RNF32: variants seen among roughly 807,000 people sequenced by gnomAD.
The protein encoded by RNF32 is ring finger protein 32.
RNF32 carries 36 observed loss-of-function variants against 41.0 expected under a neutral mutation model. That is an observed-to-expected ratio of 0.88 (90% confidence interval 0.67 to 1.16). The LOEUF (loss-of-function observed/expected upper bound fraction) is 1.16. Ranked by LOEUF, RNF32 falls within the 50% of genes most tolerant of loss-of-function variation. The pLI, the probability that RNF32 is intolerant of heterozygous loss-of-function variation, is 0.00. For missense variants in RNF32, 413 were observed against 436.7 expected (o/e 0.95, Z 0.48); for synonymous variants, 154 against 160.9 (o/e 0.96, Z 0.32).
At chr7:156,667,491 T>C (rs59415139) in intron 7 of RNF32, among the ~76,000 whole-genome samples, 2,763 of 152,336 alleles carry the variant, frequency 0.018, 85 homozygotes, top group African/African-American at 0.064. Flanking sequence ...CTTTGTAAAA[T>C]TGAAAATGTT....
At chr7:156,651,269 G>A (rs528086782) in intron 3 of RNF32, among the ~76,000 whole-genome samples, 10 of 149,688 alleles carry the variant, frequency 6.7e-5, no homozygotes, top group South Asian at 4.2e-4. Context: ...GCTGGAGTGC[G>A]GTGGCACAAT....
At chr7:156,656,836 G>T (rs1401084131) in intron 4 of RNF32, among the ~76,000 whole-genome samples, 1 of 152,266 alleles carries the variant, frequency 6.6e-6, no homozygotes, top group African/African-American at 2.4e-5. Flanking sequence ...CCTCCCAAGG[G>T]AAGCAGGAGC....
chr7:156,674,401 A>C (rs1216905553), intron 7 of RNF32, among the ~76,000 whole-genome samples: 1 of 152,258 alleles, frequency 6.6e-6, no homozygotes. Flanking sequence ...AGGACAAGCA[A>C]GAGGGCAGGA....
At chr7:156,657,316 A>G (rs1799845416) in intron 4 of RNF32, 2 of 558,946 alleles carry the variant, frequency 3.6e-6, no homozygotes, top group South Asian at 4.5e-5. Flanking sequence ...TAAATATCAA[A>G]CTTCATGTGT....
upstream of RNF32, chr7:156,640,235 GC>G: frequency 2.2e-6 from 1 of 449,482 alleles, no homozygotes; most frequent in Non-Finnish European, 4.4e-6. Flanking sequence ...CCAGAAAACT[GC>G]CCTCGACTAA....
intron 3 of RNF32, among the ~76,000 whole-genome samples, chr7:156,648,065 C>G (rs1798218405): frequency 6.7e-6 from 1 of 149,250 alleles, no homozygotes; most frequent in Non-Finnish European, 1.5e-5. Flanking sequence ...TTGAGTTCCT[C>G]GTAGGTTCTG....
chr7:156,660,996 G>A (rs756102280), intron 7 of RNF32, among the ~76,000 whole-genome samples: 2 of 152,182 alleles, frequency 1.3e-5, no homozygotes, highest in Non-Finnish European at 2.9e-5. Context: ...TAAAGGAGTA[G>A]GGCTCTATCT....
intron 1 of RNF32, among the ~76,000 whole-genome samples, chr7:156,641,523 A>G (rs111659032): frequency 0.019 from 2,819 of 152,316 alleles, 89 homozygotes; most frequent in African/African-American, 0.065. Context: ...CTCATTTATA[A>G]AGTGGAGTTG....
chr7:156,649,167 T>C (rs890681038), intron 3 of RNF32, among the ~76,000 whole-genome samples: 48 of 152,156 alleles, frequency 3.2e-4, no homozygotes, highest in East Asian at 5.8e-4. Context: ...TTTTTTTTTT[T>C]CCTAAAACTG....
chr7:156,651,055 T>C (rs988090756), intron 3 of RNF32, among the ~76,000 whole-genome samples: 1 of 152,218 alleles, frequency 6.6e-6, no homozygotes, highest in African/African-American at 2.4e-5. Flanking sequence ...AGCTGCTTGA[T>C]TCTTATCAGA....
intron 4 of RNF32, 47 bp from the exon 5 acceptor site, chr7:156,657,494 G>C: frequency 6.3e-7 from 1 of 1,595,702 alleles, no homozygotes; most frequent in Non-Finnish European, 8.6e-7. Context: ...GATACATGCT[G>C]CTTCTCTTTT....
chr7:156,661,112 G>T (rs1396789757), intron 7 of RNF32, among the ~76,000 whole-genome samples: 1 of 152,198 alleles, frequency 6.6e-6, no homozygotes, highest in African/African-American at 2.4e-5. Context: ...CTTAGGTCTT[G>T]TTTGTACTTT....
In RNF32 at chr7:156,666,166, C is replaced by G. The variant is rs115398647; in HGVS notation, c.684+7596C>G. 5.5e-3 allele frequency among the ~76,000 whole-genome samples: 841 copies of G among 152,224 alleles called. 5 individuals are homozygous for G. Among genetic ancestry groups the G allele is most frequent in the African/African-American group, 0.019 (801 of 41,534 alleles). ...ATAGCTGATTAGGAAGTGTTTGTTT[C>G]CCTCATATGTTTTAGGATCTCACCA... On this transcript the variant is annotated intron_variant, in intron 7 of 8. Transcript: ENST00000317955.
At chr7:156,651,355 A>G (rs1798711432) in intron 3 of RNF32, among the ~76,000 whole-genome samples, 2 of 151,756 alleles carry the variant, frequency 1.3e-5, no homozygotes, top group African/African-American at 2.4e-5. Flanking sequence ...CTGGGATTAC[A>G]GGTGTGTGCC....
rs183295503 is a variant in RNF32, at chr7:156,662,272, A to G, written c.684+3702A>G. Among the ~76,000 whole-genome samples the G allele has an allele frequency of 4.3e-4, 66 of 152,132 alleles. 1 individual carries two copies. The highest frequency in any genetic ancestry group is 1.5e-3 in the African/African-American group (63 of 41,504). On this transcript the variant is annotated intron_variant, in intron 7 of 8. Coordinates refer to ENST00000317955, the MANE Select transcript of RNF32 (RefSeq NM_030936.4). Reference sequence around the variant, plus strand: ...TTTTTCTACCTTTCCAACTTAATAAACTCATTCTGTGAGCGATGGGAATCC... The same window carrying G: ...TTTTTCTACCTTTCCAACTTAATAAGCTCATTCTGTGAGCGATGGGAATCC...
chr7:156,646,338 C>T (rs1191142384), intron 3 of RNF32: 1 of 1,069,306 alleles, frequency 9.4e-7, no homozygotes. Flanking sequence ...TTACCTTTCC[C>T]TGGTGGTTCC....
At chr7:156,667,173 G>C (rs1801456242) in intron 7 of RNF32, among the ~76,000 whole-genome samples, 1 of 152,190 alleles carries the variant, frequency 6.6e-6, no homozygotes, top group African/African-American at 2.4e-5. Flanking sequence ...ACCAGTAAAA[G>C]CTTATCAACT....
intron 7 of RNF32, chr7:156,660,013 T>C (rs938828704): frequency 2.0e-6 from 2 of 985,450 alleles, no homozygotes; most frequent in African/African-American, 3.5e-5. Context: ...CCACTGGACG[T>C]TGGGTCCGCT....
chr7:156,643,930 C>A, intron 2 of RNF32, 38 bp downstream of exon 2: 1 of 1,550,854 alleles, frequency 6.4e-7, no homozygotes, highest in Non-Finnish European at 8.9e-7. Flanking sequence ...CGTTATTTGA[C>A]TCATGAAATG....
Sources: gnomAD v4.1 joint callset for allele counts (sites outside exome capture counted in the v4.1 genomes callset) on GRCh38, gnomAD v4.1.1 for gene constraint, MANE v1.5 for transcripts, NCBI Gene and HGNC (gene_info 2026-07-23, HGNC 2026-07-21) for gene names.